MYO5B: variants seen among roughly 807,000 people sequenced by gnomAD.
MYO5B encodes the protein myosin VB.
Under a neutral mutation model 229.3 loss-of-function variants are expected in MYO5B, and 143 were observed. That is an observed-to-expected ratio of 0.62 (90% confidence interval 0.54 to 0.72). The LOEUF is 0.72. Ranked by LOEUF, MYO5B falls within the 30% of genes least tolerant of loss-of-function variation. The pLI is 0.00. For synonymous variants in MYO5B, 918 were observed against 885.2 expected (o/e 1.04, Z -0.66); for missense variants, 2,321 against 2,331.0 (o/e 1.00, Z 0.09).
intron 1 of MYO5B, among the ~76,000 whole-genome samples, chr18:50,110,544 G>A (rs1048995911): frequency 4.6e-5 from 7 of 152,192 alleles, no homozygotes; most frequent in Admixed American, 1.3e-4. Flanking sequence ...CCCTAGGTCT[G>A]TAGAGCTCCA....
chr18:50,133,468 C>T (rs928424083), intron 1 of MYO5B, among the ~76,000 whole-genome samples: 5 of 152,174 alleles, frequency 3.3e-5, no homozygotes, highest in African/African-American at 4.8e-5. Context: ...ACGTCAGAAA[C>T]ATGACCCAGA....
At chr18:49,987,150 C>T (rs114209761) in intron 7 of MYO5B, among the ~76,000 whole-genome samples, 2,322 of 152,228 alleles carry the variant, frequency 0.015, 57 homozygotes, top group African/African-American at 0.053. Context: ...TTCCGAGATC[C>T]CAGTTCCCAA....
chr18:50,080,819 C>T (rs1012316695), intron 1 of MYO5B, among the ~76,000 whole-genome samples: 1 of 152,132 alleles, frequency 6.6e-6, no homozygotes, highest in Non-Finnish European at 1.5e-5. Flanking sequence ...AGGGGCACGG[C>T]CCTTCCATCC....
intron 27 of MYO5B, 128 bp from the exon 28 acceptor site, chr18:49,864,508 A>C: frequency 1.5e-6 from 2 of 1,349,682 alleles, no homozygotes; most frequent in Non-Finnish European, 1.0e-6. Flanking sequence ...ACACACATGG[A>C]AAGTTCTGAC....
At chr18:49,828,552 G>A (rs548782399) in intron 39 of MYO5B, among the ~76,000 whole-genome samples, 7 of 152,006 alleles carry the variant, frequency 4.6e-5, no homozygotes, top group African/African-American at 1.7e-4. Context: ...GAAAATAGAG[G>A]CCATGAACAA....
At chr18:50,188,581 G>A (rs148144984) in intron 1 of MYO5B, among the ~76,000 whole-genome samples, 66 of 152,180 alleles carry the variant, frequency 4.3e-4, no homozygotes, top group African/African-American at 1.5e-3. Context: ...GAGGTCAAGA[G>A]ATTGAGACCA....
chr18:49,843,311 T>A lies in MYO5B; in HGVS notation c.4541A>T (p.Tyr1514Phe), dbSNP rs779653326. ...ILYMCIRHAD[Y>F]TNDDLKVHSL... is the part of the protein sequence containing the mutation. ...GTGCACCTTGAGATCGTCGTTGGTG[T>A]AGTCCGCGTGCCGGATGCACATGTA... Residue 1514 changes from tyrosine to phenylalanine, a missense_variant, in exon 34 of 40, where the codon TAC becomes TTC. Around this residue, in one of 2 missense-constraint regions of MYO5B, gnomAD observed 2,113 missense variants for 2,044.7 expected, o/e 1.03. Coordinates refer to ENST00000285039, the MANE Select transcript of MYO5B (RefSeq NM_001080467.3). 8 of 1,614,082 alleles carry A rather than the reference T, an allele frequency of 5.0e-6. No individual in the cohort carries two copies. The African/African-American group carries it at 9.3e-5, about 19-fold the overall frequency.
chr18:50,026,304 TCTGTA>T (rs1411874226), intron 4 of MYO5B, among the ~76,000 whole-genome samples: 1 of 6,088 alleles, frequency 1.6e-4, no homozygotes, highest in Non-Finnish European at 2.9e-4. Context: ...GTTTACAGTG[TCTGTA>T]AACTGTAAAA....
chr18:49,839,070 G>GA, intron 36 of MYO5B, 74 bp downstream of exon 36: 1 of 1,584,818 alleles, frequency 6.3e-7, no homozygotes, highest in South Asian at 1.1e-5. Context: ...CCGAAAGGCA[G>GA]AGGGTGCTGA....
chr18:49,965,455 TCACACACACACACA>T (rs57101973), intron 10 of MYO5B, among the ~76,000 whole-genome samples: 1 of 147,214 alleles, frequency 6.8e-6, no homozygotes, highest in African/African-American at 2.5e-5. Context: ...ACACTTCTTT[TCACACACACACACA>T]CACACACACA....
At position 49,906,399 on chromosome 18, in the gene MYO5B, G is replaced by A; in HGVS notation, c.2414+20C>T. ...TCCCCACCATGATCTGCTGCCCTGAGCTGCCACAGTCTGGCTCACCTGCGG... is the reference window on the plus strand; with the variant it reads ...TCCCCACCATGATCTGCTGCCCTGAACTGCCACAGTCTGGCTCACCTGCGG... On this transcript the variant is annotated intron_variant, in intron 19 of 39. Transcript: ENST00000285039. The A allele has an allele frequency of 1.2e-6, 2 of 1,612,182 alleles. No individual in the cohort carries two copies. Among genetic ancestry groups the A allele is most frequent in the Non-Finnish European group, 1.7e-6 (2 of 1,178,378 alleles).
chr18:49,960,502 T>C (rs2025546935), intron 12 of MYO5B, among the ~76,000 whole-genome samples: 2 of 152,204 alleles, frequency 1.3e-5, no homozygotes, highest in South Asian at 2.1e-4. Flanking sequence ...TTCCATGCAG[T>C]AAAATGCACC....
In MYO5B at chr18:50,115,091, C is replaced by G. The variant is rs752294074; in HGVS notation, c.28-59713G>C. Among the ~76,000 whole-genome samples, 44 of 152,228 alleles carry G rather than the reference C, an allele frequency of 2.9e-4. 1 individual carries two copies. The highest frequency in any genetic ancestry group is 3.2e-3 in the Middle Eastern group (1 of 316). Reference sequence around the variant, plus strand: ...TGAATCTCAGTTTGCATCTGCCCACCACTTACACCTGTCCCCACACTGTGC... The same window carrying G: ...TGAATCTCAGTTTGCATCTGCCCACGACTTACACCTGTCCCCACACTGTGC... On this transcript the variant is annotated intron_variant, in intron 1 of 39. Coordinates refer to ENST00000285039, the MANE Select transcript of MYO5B (RefSeq NM_001080467.3).
chr18:49,868,711 T>C (rs1303914845), intron 27 of MYO5B, among the ~76,000 whole-genome samples: 1 of 152,154 alleles, frequency 6.6e-6, no homozygotes, highest in African/African-American at 2.4e-5. Flanking sequence ...TCCTCTGCTT[T>C]TGCACACTGG....
chr18:50,095,322 G>C (rs936767045), intron 1 of MYO5B, among the ~76,000 whole-genome samples: 1 of 152,202 alleles, frequency 6.6e-6, no homozygotes, highest in Non-Finnish European at 1.5e-5. Context: ...CCATGAAATA[G>C]AAGTGGATGT....
intron 1 of MYO5B, among the ~76,000 whole-genome samples, chr18:50,075,837 C>T (rs1457641862): frequency 1.3e-5 from 2 of 152,248 alleles, no homozygotes. Flanking sequence ...CAGCTCTTGG[C>T]ATTCCTTCCT....
intron 1 of MYO5B, among the ~76,000 whole-genome samples, chr18:50,088,678 G>A (rs1259968443): frequency 2.0e-5 from 3 of 152,168 alleles, no homozygotes; most frequent in African/African-American, 7.2e-5. Context: ...TTATGTATAA[G>A]CACATGGCCA....
chr18:49,881,454 G>T (rs970013266), intron 22 of MYO5B, among the ~76,000 whole-genome samples: 3 of 152,026 alleles, frequency 2.0e-5, no homozygotes, highest in Non-Finnish European at 4.4e-5. Context: ...AGGTATAAAA[G>T]AAAAAATACT....
chr18:50,111,871 G>A (rs1291806206), intron 1 of MYO5B, among the ~76,000 whole-genome samples: 2 of 152,138 alleles, frequency 1.3e-5, no homozygotes, highest in African/African-American at 4.8e-5. Context: ...GGCACCTTGA[G>A]CACATGAGTC....
Sources: allele counts gnomAD v4.1 joint callset (sites outside exome capture counted in the v4.1 genomes callset), GRCh38; gene constraint gnomAD v4.1.1; regional missense constraint gnomAD v4.1.1; transcripts MANE v1.5; gene names NCBI Gene and HGNC (gene_info 2026-07-23, HGNC 2026-07-21).